The following PREX1 variants were observed in gnomAD, a reference collection of about 807,000 sequenced individuals.
PREX1 encodes the protein phosphatidylinositol 3,4,5-trisphosphate-dependent Rac exchanger 1 protein.
Under a neutral mutation model 198.3 loss-of-function variants are expected in PREX1, and 41 were observed. That is an observed-to-expected ratio of 0.21 (90% CI 0.16 to 0.27). PREX1 has a LOEUF of 0.27. Among genes scored for constraint, PREX1 ranks in the 10% least tolerant of loss-of-function variants. The probability of loss-of-function intolerance (pLI) is 1.00; values close to 1 mark genes in which losing one functional copy is unlikely to be tolerated. For missense variants in PREX1, 1,620 were observed against 2,200.7 expected (o/e 0.74, Z 5.28); for synonymous variants, 843 against 887.2 (o/e 0.95, Z 0.89).
chr20:48,680,081 G>A (rs550640747), intron 11 of PREX1, among the ~76,000 whole-genome samples: 1 of 152,270 alleles, frequency 6.6e-6, no homozygotes, highest in East Asian at 1.9e-4. Context: ...GGACCCCTCT[G>A]GCTCAGCATG....
chr20:48,639,214 C>G (rs978007302), intron 30 of PREX1, among the ~76,000 whole-genome samples: 1 of 152,238 alleles, frequency 6.6e-6, no homozygotes, highest in Non-Finnish European at 1.5e-5. Flanking sequence ...GGCCGCCACT[C>G]CTCTCCACCA....
At chr20:48,803,006 G>A (rs1253382887) in intron 1 of PREX1, among the ~76,000 whole-genome samples, 1 of 152,194 alleles carries the variant, frequency 6.6e-6, no homozygotes, top group South Asian at 2.1e-4. Flanking sequence ...CTCATCTCCT[G>A]GGAGCTTGCT....
chr20:48,695,367 GTGC>G (rs1320089460), intron 7 of PREX1, among the ~76,000 whole-genome samples: 1 of 152,200 alleles, frequency 6.6e-6, no homozygotes, highest in African/African-American at 2.4e-5. Flanking sequence ...TTCCAGTGTG[GTGC>G]TGCTGTGACA....
the PREX1 span, among the ~76,000 whole-genome samples, chr20:48,881,338 A>G: frequency 6.6e-6 from 1 of 152,212 alleles, no homozygotes; most frequent in South Asian, 2.1e-4. Flanking sequence ...GCTTTTTAAA[A>G]TGCTCCTTTT....
intron 1 of PREX1, among the ~76,000 whole-genome samples, chr20:48,826,438 T>A (rs1012301911): frequency 7.2e-5 from 11 of 151,746 alleles, no homozygotes; most frequent in African/African-American, 2.7e-4. Context: ...AAATGCAGCA[T>A]AGAATAGGGG....
chr20:48,847,364 T>TAAAAAAAAAAAA, the PREX1 span, among the ~76,000 whole-genome samples: 216 of 77,142 alleles, frequency 2.8e-3, 6 homozygotes, highest in African/African-American at 8.7e-3. Flanking sequence ...CCTTCTCTTA[T>TAAAAAAAAAAAA]AAAAAAAAAA....
intron 5 of PREX1, among the ~76,000 whole-genome samples, chr20:48,722,565 A>T (rs1035519597): frequency 2.6e-5 from 4 of 152,136 alleles, no homozygotes; most frequent in Admixed American, 6.5e-5. Context: ...ATGCTTTTTT[A>T]AAAAAGGCCA....
chr20:48,844,590 G>A, the PREX1 span, among the ~76,000 whole-genome samples: 1 of 152,316 alleles, frequency 6.6e-6, no homozygotes, highest in East Asian at 1.9e-4. Context: ...TACAGGAAAG[G>A]AAAGTGACTT....
At chr20:48,852,608 A>G in the PREX1 span, among the ~76,000 whole-genome samples, 1 of 152,212 alleles carries the variant, frequency 6.6e-6, no homozygotes, top group Non-Finnish European at 1.5e-5. Context: ...GTAATGCTGC[A>G]GTTCTAACAA....
chr20:48,629,551 C>T lies in PREX1; in HGVS notation c.4664G>A (p.Gly1555Asp). The change falls in exon 37 of 40, where the codon GGT becomes GAT. Residue 1555 changes from glycine to aspartate, a missense_variant. By Grantham distance (94) the Gly-to-Asp change is moderately conservative. Transcript: ENST00000371941. ...GCCGGCGCCCACACTCCCAGCAGCA[C>T]CAGGCTTTGGGTGGACAAAGGACTT... The part of the protein sequence containing the change: ...LMKSFVHPKP[G>D]AAGSVGAGLI... The T allele has an allele frequency of 2.5e-6, 4 of 1,614,156 alleles. No individual in the cohort carries two copies. Among genetic ancestry groups the T allele is most frequent in the Non-Finnish European group, 3.4e-6 (4 of 1,179,992 alleles).
Position 48,657,465 on chromosome 20 carries a change from C to T in PREX1, c.1975-277G>A, listed in dbSNP as rs551610429. ...GGCCTGACCCTGTTGTGTGGGGACACGAGGGTCACACCGGGGTGGCCATCT... is the reference window on the plus strand; with the variant it reads ...GGCCTGACCCTGTTGTGTGGGGACATGAGGGTCACACCGGGGTGGCCATCT... On this transcript the variant is annotated intron_variant, in intron 17 of 39. Transcript: ENST00000371941. Among the ~76,000 whole-genome samples the T allele has an allele frequency of 3.3e-5, 5 of 152,290 alleles. 1 individual carries two copies. Among genetic ancestry groups the T allele is most frequent in the African/African-American group, 9.6e-5 (4 of 41,556 alleles).
At chr20:48,683,917 G>A (rs1334186576) in intron 10 of PREX1, among the ~76,000 whole-genome samples, 18 of 152,090 alleles carry the variant, frequency 1.2e-4, no homozygotes, top group Admixed American at 1.2e-3. Context: ...AGCCCTGAGA[G>A]GTAAGGTCAG....
rs1209721708 is a variant in PREX1, at chr20:48,650,554, G to A, written c.2817+340C>T. ...TGGCGATTGGAACCAGGTGAGGCAA[G>A]TGACCTAAGCCAAGCCAACCAGAAC... On this transcript the variant is annotated intron_variant, in intron 23 of 39. Transcript: ENST00000371941. Among the ~76,000 whole-genome samples the A allele has an allele frequency of 5.3e-5, 8 of 152,260 alleles. No homozygotes were observed. In the East Asian group the frequency reaches 1.5e-3, roughly 29 times the overall value.
At chr20:48,879,425 G>A in the PREX1 span, among the ~76,000 whole-genome samples, 4 of 151,794 alleles carry the variant, frequency 2.6e-5, no homozygotes, top group Non-Finnish European at 4.4e-5. Context: ...TTGATAAACA[G>A]TACTGTTCTG....
chr20:48,845,650 C>T, the PREX1 span, among the ~76,000 whole-genome samples: 7 of 148,950 alleles, frequency 4.7e-5, no homozygotes, highest in Non-Finnish European at 1.0e-4. Flanking sequence ...TGTAATGAGC[C>T]GTGACTGTGC....
intron 1 of PREX1, among the ~76,000 whole-genome samples, chr20:48,748,331 A>G (rs2047324985): frequency 6.6e-6 from 1 of 152,142 alleles, no homozygotes; most frequent in Non-Finnish European, 1.5e-5. Flanking sequence ...TAAAAATGGC[A>G]AAAACAGAGA....
intron 1 of PREX1, among the ~76,000 whole-genome samples, chr20:48,788,041 C>T (rs1261760570): frequency 6.6e-6 from 1 of 152,180 alleles, no homozygotes; most frequent in African/African-American, 2.4e-5. Context: ...ACCCAGGAAT[C>T]AGCCACATCC....
At chr20:48,887,955 A>C in the PREX1 span, among the ~76,000 whole-genome samples, 12 of 151,816 alleles carry the variant, frequency 7.9e-5, no homozygotes, top group Non-Finnish European at 1.3e-4. Context: ...GTCTCAAAAA[A>C]ATAAATTAAA....
At chr20:48,755,177 C>A (rs948175736) in intron 1 of PREX1, among the ~76,000 whole-genome samples, 4 of 152,062 alleles carry the variant, frequency 2.6e-5, no homozygotes, top group Non-Finnish European at 5.9e-5. Flanking sequence ...GTTGATGTAT[C>A]CTTAACTAGG....
Sources: allele counts gnomAD v4.1 joint callset (sites outside exome capture counted in the v4.1 genomes callset), GRCh38; gene constraint gnomAD v4.1.1; transcripts MANE v1.5; gene names NCBI Gene and HGNC (gene_info 2026-07-23, HGNC 2026-07-21).